PMEL: variants seen among roughly 807,000 people sequenced by gnomAD.
The protein encoded by PMEL is melanocyte protein PMEL.
A neutral mutation model predicts 64.9 loss-of-function variants in PMEL; 53 were observed. The ratio of observed to expected loss-of-function variants is 0.82; its 90% CI spans 0.66 to 1.03. The LOEUF (loss-of-function observed/expected upper bound fraction) is 1.03, where lower values mean the gene tolerates loss of function less well. PMEL is among the 50% of genes least tolerant of loss of function. The pLI is 0.00. For synonymous variants in PMEL, 299 were observed against 316.2 expected (o/e 0.95, Z 0.58); for missense variants, 716 against 814.9 (o/e 0.88, Z 1.48).
At position 55,956,211 on chromosome 12, in the gene PMEL, C is replaced by T. The variant is rs1375570757; in HGVS notation, c.1363G>A (p.Gly455Ser). 1.8e-5 allele frequency: 29 copies of T among 1,610,352 alleles called. No individual in the cohort carries two copies. The highest frequency in any genetic ancestry group is 2.5e-5 in the Non-Finnish European group (29 of 1,176,716). Reference sequence around the variant, plus strand: ...GTGGCTGTACCATCCAGCAGGGGGCCCAGGGAACCTGGCAGGAGAGGATCA... The same window carrying T: ...GTGGCTGTACCATCCAGCAGGGGGCTCAGGGAACCTGGCAGGAGAGGATCA... ...MSTESITGSL[G>S]PLLDGTATLR... Residue 455 changes from glycine (G) to serine (S), a missense_variant, in exon 7 of 11, where the codon GGC becomes AGC. Gly to Ser is a moderately conservative substitution (Grantham distance 56). Coordinates refer to ENST00000548747, the MANE Select transcript of PMEL (RefSeq NM_001384361.1).
chr12:55,961,754 G>A (rs752032233), intron 1 of PMEL, 22 bp from the exon 2 acceptor site: 1 of 1,513,182 alleles, frequency 6.6e-7, no homozygotes, highest in East Asian at 2.3e-5. Context: ...GTGCCATGAA[G>A]GGCCCTAGGA....
intron 10 of PMEL, 45 bp from the exon 11 acceptor site, chr12:55,954,394 T>C: frequency 6.2e-7 from 1 of 1,608,818 alleles, no homozygotes; most frequent in Non-Finnish European, 8.5e-7. Context: ...TGGACAAAGG[T>C]AGCTTGTCTG....
intron 3 of PMEL, among the ~76,000 whole-genome samples, chr12:55,960,067 C>G (rs530469642): frequency 7.9e-5 from 12 of 151,720 alleles, no homozygotes; most frequent in African/African-American, 2.9e-4. Context: ...TGACATGCGC[C>G]TGTATCAGCT....
chr12:55,960,541 T>G (rs1162903301), intron 3 of PMEL, among the ~76,000 whole-genome samples: 21 of 135,398 alleles, frequency 1.6e-4, no homozygotes, highest in African/African-American at 3.2e-4. Context: ...CTTTCTGTTT[T>G]TTTTTTTTTT....
chr12:55,957,081 C>T lies in PMEL; in HGVS notation c.1222G>A (p.Val408Met), dbSNP rs190656748. Residue 408 changes from valine (V) to methionine (M), a missense_variant, in exon 6 of 11, where the codon GTG (valine) becomes ATG (methionine). Transcript: ENST00000548747. ...GCAGCTGTGGTTCCAGAAAGCACCACAATTGATACCTCTGCAGGTGTCATA... is the reference window on the plus strand; with the variant it reads ...GCAGCTGTGGTTCCAGAAAGCACCATAATTGATACCTCTGCAGGTGTCATA... Reference protein sequence around the residue: ...TGMTPAEVSIVVLSGTTAAQV... With the variant: ...TGMTPAEVSIMVLSGTTAAQV... 1 of 1,614,226 alleles carries T rather than the reference C, an allele frequency of 6.2e-7. No individual in the cohort carries two copies. Among genetic ancestry groups the T allele is most frequent in the Non-Finnish European group, 8.5e-7 (1 of 1,180,034 alleles).
At chr12:55,959,160 G>C (rs569647548) in intron 3 of PMEL, among the ~76,000 whole-genome samples, 2 of 151,348 alleles carry the variant, frequency 1.3e-5, no homozygotes, top group South Asian at 4.2e-4. Flanking sequence ...TGGGAGGACT[G>C]CTTGAGGCAT....
intron 6 of PMEL, chr12:55,956,437 T>C (rs1276484980): frequency 1.6e-5 from 8 of 497,248 alleles, no homozygotes; most frequent in East Asian, 3.2e-5. Flanking sequence ...AGGGGTGGCA[T>C]TGGAGTTTTA....
intron 5 of PMEL, 31 bp from the exon 6 acceptor site, chr12:55,957,702 A>G: frequency 1.3e-6 from 2 of 1,580,430 alleles, no homozygotes; most frequent in Non-Finnish European, 8.6e-7. Flanking sequence ...GGTGAGAACC[A>G]GGCCTGAGCC....
At chr12:55,958,804 C>T (rs1188493369) in intron 3 of PMEL, 197 bp from the exon 4 acceptor site, 7 of 566,686 alleles carry the variant, frequency 1.2e-5, no homozygotes, top group African/African-American at 1.9e-5. Context: ...TTTTTAGAGA[C>T]AGGGTCTTAG....
chr12:55,962,424 T>C (rs1410344968), intron 1 of PMEL, among the ~76,000 whole-genome samples: 2 of 109,824 alleles, frequency 1.8e-5, no homozygotes, highest in Non-Finnish European at 1.7e-5. Flanking sequence ...GTACTCCAGC[T>C]GGCGATAGAG....
chr12:55,966,658 C>G, upstream of PMEL: 9 of 1,064,578 alleles, frequency 8.5e-6, no homozygotes, highest in Non-Finnish European at 1.0e-5. Flanking sequence ...ACTTGTCTAG[C>G]CCCCAAGAAC....
chr12:55,961,447 G>A lies in PMEL; in HGVS notation c.204C>T (p.Leu68=). 1 of 1,614,158 alleles carries A rather than the reference G, an allele frequency of 6.2e-7. No individual in the cohort carries two copies. Among genetic ancestry groups the A allele is most frequent in the East Asian group, 2.2e-5 (1 of 44,874 alleles). ...LDCWRGGQVS[L]KVSNDGPTLI... ...GTGTAGGCCCATCATTACTGACCTTGAGGGACACTTGACCACCTGGGAAGG... is the reference window on the plus strand; with the variant it reads ...GTGTAGGCCCATCATTACTGACCTTAAGGGACACTTGACCACCTGGGAAGG... The change falls in exon 3 of 11, where the codon CTC becomes CTT. Residue 68 remains leucine (L), a synonymous_variant. Coordinates refer to ENST00000548747, the MANE Select transcript of PMEL (RefSeq NM_001384361.1).
chr12:55,957,330 C>T lies in PMEL; in HGVS notation c.973G>A (p.Gly325Ser), dbSNP rs1565774186. ...PTAEAPNTTA[G>S]QVPTTEVVGT... ...ACAACTTCTGTAGTAGGCACTTGGC[C>T]AGCTGTGGTGTTAGGGGCCTCTGCA... The change falls in exon 6 of 11, where the codon GGC becomes AGC. Residue 325 changes from glycine (G) to serine (S), a missense_variant. By Grantham distance (56) the Gly-to-Ser change is moderately conservative. Transcript: ENST00000548747. The T allele has an allele frequency of 3.1e-6, 5 of 1,600,850 alleles. No individual in the cohort carries two copies. The African/African-American group carries it at 5.4e-5, about 17-fold the overall frequency.
chr12:55,957,984 A>C lies in PMEL; in HGVS notation c.570T>G (p.His190Gln). 1 of 1,614,188 alleles carries C rather than the reference A, an allele frequency of 6.2e-7. No homozygotes were observed. Among genetic ancestry groups the C allele is most frequent in the Non-Finnish European group, 8.5e-7 (1 of 1,180,038 alleles). ...GTHTMEVTVY[H>Q]RRGSRSYVPL... is the part of the protein sequence containing the mutation. ...GCACATAGCTCCGGGATCCCCGGCG[A>C]TGGTAGACAGTCACTTCCATGGTGT... is the stretch of plus-strand genomic sequence containing the variant. Residue 190 changes from histidine to glutamine, a missense_variant, in exon 5 of 11, where the codon CAT becomes CAG. Coordinates refer to ENST00000548747, the MANE Select transcript of PMEL (RefSeq NM_001384361.1).
chr12:55,960,472 C>A (rs1260939874), intron 3 of PMEL, among the ~76,000 whole-genome samples: 1 of 150,908 alleles, frequency 6.6e-6, no homozygotes, highest in African/African-American at 2.4e-5. Flanking sequence ...GGCTCATGAT[C>A]CTCCCACCTG....
rs758241303 is a variant in PMEL at position 55,957,976 on chromosome 12, C to A, written c.578G>T (p.Gly193Val). ...AGCAAGAGGCACATAGCTCCGGGAT[C>A]CCCGGCGATGGTAGACAGTCACTTC... ...TMEVTVYHRRGSRSYVPLAHS... is the reference protein window; with the variant it reads ...TMEVTVYHRRVSRSYVPLAHS... Residue 193 changes from glycine (G) to valine (V), a missense_variant, in exon 5 of 11, where the codon GGA becomes GTA. Gly to Val is a moderately radical substitution (Grantham distance 109). Transcript: ENST00000548747. The A allele has an allele frequency of 1.2e-6, 2 of 1,614,092 alleles. No individual in the cohort carries two copies. The highest frequency in any genetic ancestry group is 1.3e-5 in the African/African-American group (1 of 74,938).
rs1309452367 is a variant in PMEL at position 55,957,334 on chromosome 12, T to C, written c.969A>G (p.Thr323=). 1.2e-6 allele frequency: 2 copies of C among 1,600,372 alleles called. No homozygotes were observed. Among genetic ancestry groups the C allele is most frequent in the Non-Finnish European group, 1.7e-6 (2 of 1,171,356 alleles). ...HRPTAEAPNT[T]AGQVPTTEVV... ...CTTCTGTAGTAGGCACTTGGCCAGC[T>C]GTGGTGTTAGGGGCCTCTGCAGTTG... Residue 323 remains threonine (T), a synonymous_variant, in exon 6 of 11, where the codon ACA becomes ACG. Coordinates refer to ENST00000548747, the MANE Select transcript of PMEL (RefSeq NM_001384361.1).
At position 55,965,058 on chromosome 12, in the gene PMEL, G is replaced by C. The variant is rs1012546846; in HGVS notation, c.76+878C>G. On this transcript the variant is annotated intron_variant, in intron 1 of 10. Transcript: ENST00000548747. ...TTCTCCAGCCTCAGCCTTCTGAGTA[G>C]CTGGGACTACAGGCATGTGCCACCA... 5.3e-5 allele frequency among the ~76,000 whole-genome samples: 8 copies of C among 151,422 alleles called. No homozygotes were observed. The South Asian group carries it at 1.5e-3, about 28-fold the overall frequency.
At chr12:55,960,535 C>CTG (rs1889060906) in intron 3 of PMEL, among the ~76,000 whole-genome samples, 1 of 122,944 alleles carries the variant, frequency 8.1e-6, no homozygotes, top group Non-Finnish European at 1.6e-5. Context: ...TTTTTGCTTT[C>CTG]TGTTTTTTTT....
Sources: allele counts gnomAD v4.1 joint callset (sites outside exome capture counted in the v4.1 genomes callset), GRCh38; gene constraint gnomAD v4.1.1; transcripts MANE v1.5; gene names NCBI Gene and HGNC (gene_info 2026-07-23, HGNC 2026-07-21).